GULP1: variants seen among roughly 807,000 people sequenced by gnomAD.
GULP1 encodes the protein PTB domain-containing engulfment adapter protein 1.
In GULP1, 19 loss-of-function variants were observed where a neutral mutation model predicts 40.9. The observed-to-expected ratio is 0.46, with a 90% CI of 0.32 to 0.68. The LOEUF (loss-of-function observed/expected upper bound fraction) is 0.68, where lower values mean the gene tolerates loss of function less well. GULP1 is among the 30% of genes least tolerant of loss of function. The pLI is 0.03. For synonymous variants in GULP1, 119 were observed against 117.6 expected, an observed-to-expected ratio of 1.01 and a Z score of -0.08; for missense variants, 312 against 362.2, an observed-to-expected ratio of 0.86 and a Z score of 1.12.
intron 1 of GULP1, among the ~76,000 whole-genome samples, chr2:188,339,367 C>G (rs2042680093): frequency 6.6e-6 from 1 of 152,114 alleles, no homozygotes. Context: ...AGTTTATAGT[C>G]ACTTGAGCAT....
At chr2:188,415,343 G>A (rs937802507) in intron 2 of GULP1, among the ~76,000 whole-genome samples, 1 of 152,064 alleles carries the variant, frequency 6.6e-6, no homozygotes, top group Non-Finnish European at 1.5e-5. Context: ...TTCCATCTCA[G>A]AAATAAAGCA....
At chr2:188,428,928 T>C (rs949291054) in intron 2 of GULP1, among the ~76,000 whole-genome samples, 3 of 151,798 alleles carry the variant, frequency 2.0e-5, no homozygotes, top group Non-Finnish European at 4.4e-5. Context: ...AAAGAATGAA[T>C]AAAGTTTTAA....
chr2:188,523,317 G>T (rs893516109), intron 5 of GULP1, among the ~76,000 whole-genome samples: 19 of 152,160 alleles, frequency 1.2e-4, no homozygotes, highest in Non-Finnish European at 2.4e-4. Flanking sequence ...GGCAATGTCC[G>T]TAAGTAGCCA....
intron 9 of GULP1, among the ~76,000 whole-genome samples, chr2:188,575,618 C>A (rs896207019): frequency 1.3e-5 from 2 of 152,126 alleles, no homozygotes; most frequent in African/African-American, 2.4e-5. Flanking sequence ...TTAGCAAATG[C>A]AACAGGCTGA....
intron 7 of GULP1, among the ~76,000 whole-genome samples, chr2:188,542,572 A>G (rs1157148116): frequency 6.6e-6 from 1 of 152,146 alleles, no homozygotes; most frequent in Non-Finnish European, 1.5e-5. Flanking sequence ...GTGCTAAGCT[A>G]CTAGATATCA....
chr2:188,369,553 GC>G (rs987359152), intron 1 of GULP1, among the ~76,000 whole-genome samples: 3 of 151,958 alleles, frequency 2.0e-5, no homozygotes, highest in African/African-American at 7.2e-5. Flanking sequence ...TTCCCTCTCT[GC>G]CCCCTAGTGA....
At chr2:188,326,750 A>G (rs1234836046) in intron 1 of GULP1, among the ~76,000 whole-genome samples, 1 of 152,102 alleles carries the variant, frequency 6.6e-6, no homozygotes, top group African/African-American at 2.4e-5. Flanking sequence ...CGTTTCCATT[A>G]TTGGCTTTAG....
At chr2:188,589,931 T>C (rs1311192938) in intron 11 of GULP1, 2 of 391,006 alleles carry the variant, frequency 5.1e-6, no homozygotes, top group African/African-American at 2.1e-5. Flanking sequence ...TTTCAGTGAC[T>C]TAGTCACTAT....
chr2:188,436,994 T>C (rs2057466846), intron 2 of GULP1, among the ~76,000 whole-genome samples: 1 of 152,182 alleles, frequency 6.6e-6, no homozygotes, highest in Non-Finnish European at 1.5e-5. Context: ...GACCACAGCA[T>C]TATCCACTAT....
intron 2 of GULP1, among the ~76,000 whole-genome samples, chr2:188,384,628 G>T (rs184761758): frequency 6.6e-6 from 1 of 152,182 alleles, no homozygotes; most frequent in Non-Finnish European, 1.5e-5. Context: ...CCACAATCCA[G>T]AGTCTCATTA....
rs1294382340 is a variant in GULP1, at chr2:188,569,262, T to A, written c.423T>A (p.Ile141=). The A allele has an allele frequency of 6.3e-7, 1 of 1,576,206 alleles. No homozygotes were observed. The highest frequency in any genetic ancestry group is 1.7e-5 in the Admixed American group (1 of 59,898). ...AGGCTGAAGAGATCACTTTAACAAT[T>A]GGCCAAGCATTTGACCTGGCATACA... is the stretch of plus-strand genomic sequence containing the variant. ...EKCAEEITLT[I]GQAFDLAYRK... The change falls in exon 8 of 12, where the codon ATT becomes ATA. Residue 141 remains isoleucine (I), a synonymous_variant. Transcript: ENST00000409830.
At chr2:188,376,602 A>C (rs1052760553) in intron 1 of GULP1, among the ~76,000 whole-genome samples, 28 of 152,218 alleles carry the variant, frequency 1.8e-4, no homozygotes, top group African/African-American at 6.5e-4. Context: ...AAGGAAAATA[A>C]AAGTTATAAA....
chr2:188,561,471 G>A (rs1471871690), intron 7 of GULP1, among the ~76,000 whole-genome samples: 1 of 152,188 alleles, frequency 6.6e-6, no homozygotes, highest in Non-Finnish European at 1.5e-5. Context: ...TAAGGTAATA[G>A]CAGCCAGGAG....
At chr2:188,567,337 T>C (rs1697967441) in intron 7 of GULP1, among the ~76,000 whole-genome samples, 1 of 152,166 alleles carries the variant, frequency 6.6e-6, no homozygotes, top group Non-Finnish European at 1.5e-5. Flanking sequence ...CACGCGTATG[T>C]TTATTGCAGC....
intron 5 of GULP1, among the ~76,000 whole-genome samples, chr2:188,523,585 T>G (rs1685398161): frequency 6.6e-6 from 1 of 152,124 alleles, no homozygotes; most frequent in African/African-American, 2.4e-5. Context: ...TTAAATGTTA[T>G]TCTCTATAGT....
At chr2:188,565,308 T>G (rs1235821471) in intron 7 of GULP1, among the ~76,000 whole-genome samples, 1 of 151,892 alleles carries the variant, frequency 6.6e-6, no homozygotes, top group Non-Finnish European at 1.5e-5. Flanking sequence ...AGGATCTGTA[T>G]CCAGACTATA....
intron 2 of GULP1, among the ~76,000 whole-genome samples, chr2:188,472,758 CAT>C (rs1257689744): frequency 6.6e-6 from 1 of 152,166 alleles, no homozygotes; most frequent in African/African-American, 2.4e-5. Context: ...AAAGGTGACA[CAT>C]CTTTGTTTTT....
intron 4 of GULP1, among the ~76,000 whole-genome samples, chr2:188,492,189 C>T (rs1342590061): frequency 4.6e-5 from 7 of 152,092 alleles, no homozygotes; most frequent in African/African-American, 1.7e-4. Flanking sequence ...ATGGAAAACA[C>T]AGGATAACAC....
intron 1 of GULP1, among the ~76,000 whole-genome samples, chr2:188,358,548 C>T (rs1286215814): frequency 6.6e-6 from 1 of 151,992 alleles, no homozygotes; most frequent in East Asian, 1.9e-4. Flanking sequence ...ATGCTAATTA[C>T]CCTGATTTGA....
Sources: gnomAD v4.1 joint callset for allele counts (sites outside exome capture counted in the v4.1 genomes callset) on GRCh38, gnomAD v4.1.1 for gene constraint, MANE v1.5 for transcripts, NCBI Gene and HGNC (gene_info 2026-07-23, HGNC 2026-07-21) for gene names.